The following KCNH8 variants were observed in gnomAD, a reference collection of about 807,000 sequenced individuals.
KCNH8 encodes the protein voltage-gated delayed rectifier potassium channel KCNH8.
KCNH8 carries 70 observed loss-of-function variants against 103.6 expected under a neutral mutation model. That is an observed-to-expected ratio of 0.68 (90% confidence interval 0.56 to 0.82). The LOEUF (loss-of-function observed/expected upper bound fraction) is 0.82. KCNH8 is among the 40% of genes least tolerant of loss of function. The pLI, the probability that KCNH8 is intolerant of heterozygous loss-of-function variation, is 0.00. For synonymous variants in KCNH8, 498 were observed against 489.4 expected (o/e 1.02, Z -0.23); for missense variants, 1,217 against 1,329.9 (o/e 0.92, Z 1.32).
intron 3 of KCNH8, among the ~76,000 whole-genome samples, chr3:19,292,171 G>C (rs942247121): frequency 6.6e-6 from 1 of 152,146 alleles, no homozygotes; most frequent in Non-Finnish European, 1.5e-5. Flanking sequence ...CTTGTTGAGT[G>C]TCCCAGATTT....
In KCNH8 at chr3:19,288,733, T is replaced by A. The variant is rs889678802; in HGVS notation, c.442+7404T>A. Among the ~76,000 whole-genome samples the A allele has an allele frequency of 8.5e-5, 13 of 152,190 alleles. 1 individual carries two copies. Among genetic ancestry groups the A allele is most frequent in the Non-Finnish European group, 1.6e-4 (11 of 68,038 alleles). On this transcript the variant is annotated intron_variant, in intron 3 of 15. Coordinates refer to ENST00000328405, the MANE Select transcript of KCNH8 (RefSeq NM_144633.3). ...TATAGCAGCATGATTTATAATCCTTTGGTTATATACCCAGTAATGGGATGG... is the reference window on the plus strand; with the variant it reads ...TATAGCAGCATGATTTATAATCCTTAGGTTATATACCCAGTAATGGGATGG...
At chr3:19,339,146 G>A (rs556338787) in intron 3 of KCNH8, among the ~76,000 whole-genome samples, 37 of 152,172 alleles carry the variant, frequency 2.4e-4, no homozygotes, top group African/African-American at 8.9e-4. Flanking sequence ...TCCATTTAGA[G>A]TCAAGACTAA....
At chr3:19,332,127 G>C (rs1364737795) in intron 3 of KCNH8, among the ~76,000 whole-genome samples, 2 of 149,840 alleles carry the variant, frequency 1.3e-5, no homozygotes, top group Admixed American at 1.3e-4. Context: ...TACTTCCTTA[G>C]ATTGGGCAGT....
intron 15 of KCNH8, among the ~76,000 whole-genome samples, chr3:19,529,206 G>C (rs1257557024): frequency 6.6e-6 from 1 of 152,282 alleles, no homozygotes; most frequent in South Asian, 2.1e-4. Context: ...TCTAATATGA[G>C]TGTCAGAAAC....
intron 5 of KCNH8, among the ~76,000 whole-genome samples, chr3:19,381,551 C>T (rs550563811): frequency 9.2e-5 from 14 of 151,946 alleles, no homozygotes; most frequent in South Asian, 2.1e-4. Flanking sequence ...AAAATGCTGG[C>T]GGGTGGGGGA....
intron 5 of KCNH8, among the ~76,000 whole-genome samples, chr3:19,383,553 A>C (rs777170416): frequency 1.5e-4 from 23 of 151,992 alleles, no homozygotes; most frequent in Non-Finnish European, 2.5e-4. Context: ...TGTATTTTTT[A>C]ATAGAGACGG....
chr3:19,177,449 T>C (rs2063411359), intron 1 of KCNH8, among the ~76,000 whole-genome samples: 1 of 152,090 alleles, frequency 6.6e-6, no homozygotes, highest in Non-Finnish European at 1.5e-5. Flanking sequence ...TTATTTTCTA[T>C]TATGTTCTAT....
chr3:19,274,985 T>G (rs934178145), intron 2 of KCNH8, among the ~76,000 whole-genome samples: 1 of 149,848 alleles, frequency 6.7e-6, no homozygotes, highest in African/African-American at 2.5e-5. Flanking sequence ...TTAGAACATA[T>G]TTTAAATTAT....
intron 1 of KCNH8, among the ~76,000 whole-genome samples, chr3:19,217,185 G>T (rs77261347): frequency 2.6e-5 from 4 of 152,096 alleles, no homozygotes; most frequent in Non-Finnish European, 5.9e-5. Flanking sequence ...GGAGAAAGCC[G>T]TCTGCTTTGC....
At chr3:19,187,707 A>G (rs1358642492) in intron 1 of KCNH8, among the ~76,000 whole-genome samples, 2 of 152,132 alleles carry the variant, frequency 1.3e-5, no homozygotes, top group African/African-American at 4.8e-5. Context: ...TGCATAAGAT[A>G]CAGAGCCTCT....
At chr3:19,166,783 G>A (rs1426058294) in intron 1 of KCNH8, among the ~76,000 whole-genome samples, 1 of 152,182 alleles carries the variant, frequency 6.6e-6, no homozygotes. Flanking sequence ...CTATAAAGCA[G>A]CAGGGATATC....
At chr3:19,479,340 T>A (rs926853591) in intron 11 of KCNH8, among the ~76,000 whole-genome samples, 3 of 152,146 alleles carry the variant, frequency 2.0e-5, no homozygotes, top group African/African-American at 7.2e-5. Context: ...TTAGTCTTGA[T>A]CTCAAAACTC....
intron 1 of KCNH8, among the ~76,000 whole-genome samples, chr3:19,229,778 T>G (rs1034434551): frequency 6.6e-6 from 1 of 152,170 alleles, no homozygotes; most frequent in Non-Finnish European, 1.5e-5. Context: ...AGTTCCAAAT[T>G]TTCCCACATT....
At chr3:19,364,401 G>A (rs1320249392) in intron 5 of KCNH8, among the ~76,000 whole-genome samples, 1 of 152,030 alleles carries the variant, frequency 6.6e-6, no homozygotes, top group Non-Finnish European at 1.5e-5. Flanking sequence ...TATTTATAAT[G>A]CAGCTATGAG....
chr3:19,459,843 T>G (rs779452685), intron 11 of KCNH8, among the ~76,000 whole-genome samples: 7 of 152,140 alleles, frequency 4.6e-5, no homozygotes, highest in Non-Finnish European at 8.8e-5. Context: ...TGATAAAATT[T>G]TCATGATTCT....
rs537215019 is a variant in KCNH8, at chr3:19,273,219, T to A, written c.311-7979T>A. ...CTTGTGCAATTAGAGAGGGTTAACT[T>A]AATCCTCAAATTCTCATTTAAAGCA... is the stretch of plus-strand genomic sequence containing the variant. On this transcript the variant is annotated intron_variant, in intron 2 of 15. Transcript: ENST00000328405. Among the ~76,000 whole-genome samples, 53 of 152,302 alleles carry A rather than the reference T, an allele frequency of 3.5e-4. 1 individual carries two copies. The South Asian group carries it at 9.9e-3, about 29-fold the overall frequency.
chr3:19,237,956 G>A (rs1202042434), intron 1 of KCNH8, among the ~76,000 whole-genome samples: 1 of 152,100 alleles, frequency 6.6e-6, no homozygotes, highest in Non-Finnish European at 1.5e-5. Context: ...TAAATTTTAT[G>A]GTAAGATATT....
intron 7 of KCNH8, among the ~76,000 whole-genome samples, chr3:19,435,167 T>G (rs962480793): frequency 6.6e-6 from 1 of 152,102 alleles, no homozygotes; most frequent in African/African-American, 2.4e-5. Context: ...TATATACAAT[T>G]TTTGTTTATC....
intron 15 of KCNH8, among the ~76,000 whole-genome samples, chr3:19,522,969 T>TG (rs1197773588): frequency 6.6e-6 from 1 of 151,846 alleles, no homozygotes; most frequent in Non-Finnish European, 1.5e-5. Context: ...TATGTATATG[T>TG]GTGATAAGAA....
Sources: gnomAD v4.1 joint callset for allele counts (sites outside exome capture counted in the v4.1 genomes callset) on GRCh38, gnomAD v4.1.1 for gene constraint, MANE v1.5 for transcripts, NCBI Gene and HGNC (gene_info 2026-07-23, HGNC 2026-07-21) for gene names.